PRCC: variants seen among roughly 807,000 people sequenced by gnomAD.
PRCC encodes proline rich mitotic checkpoint control factor, also known as proline-rich protein PRCC.
In PRCC, 10 loss-of-function variants were observed where a neutral mutation model predicts 44.0. That is an observed-to-expected ratio of 0.23 (90% confidence interval 0.14 to 0.39). The LOEUF (loss-of-function observed/expected upper bound fraction) is 0.39. PRCC is among the 10% of genes least tolerant of loss of function. The probability of loss-of-function intolerance (pLI) is 1.00; values close to 1 mark genes in which losing one functional copy is unlikely to be tolerated. For missense variants in PRCC, 573 were observed against 624.7 expected (o/e 0.92, Z 0.88); for synonymous variants, 278 against 259.5 (o/e 1.07, Z -0.69).
chr1:156,799,489 C>T (rs1652770154), intron 6 of PRCC, among the ~76,000 whole-genome samples: 1 of 152,156 alleles, frequency 6.6e-6, no homozygotes, highest in Non-Finnish European at 1.5e-5. Context: ...ATGAATAAGA[C>T]CCTTTCCTGG....
rs149081684 is a variant in PRCC at position 156,787,111 on chromosome 1, C to T, written c.1020C>T (p.Asp340=). Residue 340 remains aspartate, a synonymous_variant, in exon 3 of 7, where the codon GAC becomes GAT. Coordinates refer to ENST00000271526, the MANE Select transcript of PRCC (RefSeq NM_005973.5). ...SGAPWMPKPG[D]DYSYNQFSTY... ...CCCCTTGGATGCCTAAGCCTGGGGACGACTACAGCTACAATCAGTTTTCCA... is the reference window on the plus strand; with the variant it reads ...CCCCTTGGATGCCTAAGCCTGGGGATGACTACAGCTACAATCAGTTTTCCA... 30 of 1,613,824 alleles carry T rather than the reference C, an allele frequency of 1.9e-5. 1 individual carries two copies. In the South Asian group the frequency reaches 2.2e-4, roughly 12 times the overall value.
At position 156,786,670 on chromosome 1, in the gene PRCC, A is replaced by G. The variant is rs150702984; in HGVS notation, c.579A>G (p.Lys193=). ...CCCAACCTAAAAACCTGACTGTGAA[A>G]GAGACTAACAGGTTGCTCCTGCCCC... ...LLPQPKNLTV[K]ETNRLLLPHA... The change falls in exon 3 of 7, where the codon AAA becomes AAG. Residue 193 remains lysine, a synonymous_variant. Coordinates refer to ENST00000271526, the MANE Select transcript of PRCC (RefSeq NM_005973.5). The G allele has an allele frequency of 1.2e-6, 2 of 1,614,180 alleles. No homozygotes were observed. Among genetic ancestry groups the G allele is most frequent in the African/African-American group, 2.7e-5 (2 of 75,050 alleles).
intron 1 of PRCC, among the ~76,000 whole-genome samples, chr1:156,780,169 T>C (rs1448252509): frequency 6.6e-6 from 1 of 152,152 alleles, no homozygotes; most frequent in African/African-American, 2.4e-5. Context: ...GCGATTCTCC[T>C]GCCTCAGCCT....
chr1:156,781,949 CT>C (rs1342249489), intron 1 of PRCC, among the ~76,000 whole-genome samples: 1 of 152,166 alleles, frequency 6.6e-6, no homozygotes, highest in Non-Finnish European at 1.5e-5. Flanking sequence ...ATGGGTATAG[CT>C]TTTTCTTTCC....
chr1:156,767,855 T>A lies in PRCC; in HGVS notation c.84T>A (p.Ala28=), dbSNP rs1254744708. 1 of 1,609,444 alleles carries A rather than the reference T, an allele frequency of 6.2e-7. No homozygotes were observed. The highest frequency in any genetic ancestry group is 8.5e-7 in the Non-Finnish European group (1 of 1,178,742). The change falls in exon 1 of 7, where the codon GCT becomes GCA. Residue 28 remains alanine, a synonymous_variant. Coordinates refer to ENST00000271526, the MANE Select transcript of PRCC (RefSeq NM_005973.5). ...EPEPEEEEAV[A]PTSGPALGGL... Reference sequence around the variant, plus strand: ...AGCCGGAGGAAGAGGAGGCGGTGGCTCCTACATCTGGGCCCGCTTTAGGGG... The same window carrying A: ...AGCCGGAGGAAGAGGAGGCGGTGGCACCTACATCTGGGCCCGCTTTAGGGG...
intron 1 of PRCC, among the ~76,000 whole-genome samples, chr1:156,771,479 A>G (rs1007157611): frequency 6.6e-6 from 1 of 152,188 alleles, no homozygotes; most frequent in Non-Finnish European, 1.5e-5. Flanking sequence ...AGGTATATTT[A>G]GGAGGGGGAA....
chr1:156,793,681 G>T (rs995791937), intron 4 of PRCC, among the ~76,000 whole-genome samples: 5 of 152,098 alleles, frequency 3.3e-5, no homozygotes, highest in Non-Finnish European at 5.9e-5. Flanking sequence ...GATTTTTAAA[G>T]GAGAAATCCT....
chr1:156,769,326 C>T (rs57644554), intron 1 of PRCC, among the ~76,000 whole-genome samples: 6,618 of 152,260 alleles, frequency 0.043, 183 homozygotes, highest in African/African-American at 0.069. Flanking sequence ...CTCCTATCAC[C>T]TCCTCCTCCC....
At chr1:156,787,496 T>TATATA in intron 3 of PRCC, among the ~76,000 whole-genome samples, 1 of 99,098 alleles carries the variant, frequency 1.0e-5, no homozygotes, top group African/African-American at 4.1e-5. Context: ...TATATATATA[T>TATATA]ATCTGTTTTT....
At chr1:156,789,711 C>T (rs1302019665) in intron 3 of PRCC, among the ~76,000 whole-genome samples, 1 of 152,182 alleles carries the variant, frequency 6.6e-6, no homozygotes, top group Non-Finnish European at 1.5e-5. Flanking sequence ...TTAACTGGCT[C>T]TCTCAGTCTC....
chr1:156,799,271 G>GT (rs1652765606), intron 6 of PRCC, among the ~76,000 whole-genome samples: 1 of 151,868 alleles, frequency 6.6e-6, no homozygotes, highest in African/African-American at 2.4e-5. Flanking sequence ...CTTTTTCTTA[G>GT]TTTTTTTAGT....
At chr1:156,787,334 TCTAAATTGCCCAA>T in intron 3 of PRCC, among the ~76,000 whole-genome samples, 160 bp downstream of exon 3, 1 of 152,152 alleles carries the variant, frequency 6.6e-6, no homozygotes. Context: ...ACCATATTAA[TCTAAATTGCCCAA>T]GTCTTAAAGT....
At chr1:156,787,260 G>T in intron 3 of PRCC, 86 bp downstream of exon 3, 1 of 1,411,546 alleles carries the variant, frequency 7.1e-7, no homozygotes, top group East Asian at 2.3e-5. Flanking sequence ...CAGCCTCTGT[G>T]GTGTCACTTT....
chr1:156,782,351 A>AT (rs763191718), intron 2 of PRCC, 22 bp downstream of exon 2: 42 of 1,577,530 alleles, frequency 2.7e-5, no homozygotes, highest in East Asian at 1.8e-4. Context: ...GATATAAACC[A>AT]TTTTTTTTCT....
In PRCC at chr1:156,782,265, A is replaced by C. The variant is rs762753896; in HGVS notation, c.469-17A>C. On this transcript the variant is annotated splice_polypyrimidine_tract_variant and intron_variant, in intron 1 of 6. Coordinates refer to ENST00000271526, the MANE Select transcript of PRCC (RefSeq NM_005973.5). ...TCCTAAAACAGTGAGGCCTTACTTCATTTCTTTTTCTCTTAGTCAGATTCT... is the reference window on the plus strand; with the variant it reads ...TCCTAAAACAGTGAGGCCTTACTTCCTTTCTTTTTCTCTTAGTCAGATTCT... The C allele has an allele frequency of 6.3e-7, 1 of 1,591,006 alleles. No individual in the cohort carries two copies. The highest frequency in any genetic ancestry group is 8.6e-7 in the Non-Finnish European group (1 of 1,159,702).
intron 4 of PRCC, among the ~76,000 whole-genome samples, chr1:156,794,212 C>T (rs1013539520): frequency 2.0e-5 from 3 of 152,118 alleles, no homozygotes; most frequent in African/African-American, 7.2e-5. Flanking sequence ...CCACCTCGGC[C>T]TCCCAAAGTG....
At chr1:156,785,760 C>T (rs1284315695) in intron 2 of PRCC, among the ~76,000 whole-genome samples, 2 of 151,514 alleles carry the variant, frequency 1.3e-5, no homozygotes, top group Non-Finnish European at 2.9e-5. Flanking sequence ...GCGTCATTAG[C>T]GCTGCTGAGG....
Position 156,767,837 on chromosome 1 carries a change from G to T in PRCC, c.66G>T (p.Glu22Asp). ...SEPDEAEPEP[E>D]EEEAVAPTSG... ...CGGATGAGGCTGAGCCCGAGCCGGA[G>T]GAAGAGGAGGCGGTGGCTCCTACAT... Residue 22 changes from glutamate to aspartate, a missense_variant, in exon 1 of 7, where the codon GAG (glutamate) becomes GAT (aspartate). Coordinates refer to ENST00000271526, the MANE Select transcript of PRCC (RefSeq NM_005973.5). 6.2e-7 allele frequency: 1 copy of T among 1,610,572 alleles called. No homozygotes were observed. Among genetic ancestry groups the T allele is most frequent in the Middle Eastern group, 1.8e-4 (1 of 5,460 alleles).
chr1:156,795,984 C>T (rs1341761553), intron 5 of PRCC: 4 of 152,160 alleles, frequency 2.6e-5, no homozygotes, highest in Non-Finnish European at 5.9e-5. Context: ...GTTCTATGGC[C>T]ACAGATGGCC....
Sources: gnomAD v4.1 joint callset for allele counts (sites outside exome capture counted in the v4.1 genomes callset) on GRCh38, gnomAD v4.1.1 for gene constraint, MANE v1.5 for transcripts, NCBI Gene and HGNC (gene_info 2026-07-23, HGNC 2026-07-21) for gene names.